Variants in GSTO2 observed in about 807,000 individuals in gnomAD.
GSTO2 encodes the protein glutathione S-transferase omega-2.
GSTO2 carries 23 observed loss-of-function variants against 28.4 expected under a neutral mutation model. The ratio of observed to expected loss-of-function variants is 0.81; its 90% CI spans 0.58 to 1.15. The LOEUF (loss-of-function observed/expected upper bound fraction) is 1.15, where lower values mean the gene tolerates loss of function less well. Among genes scored for constraint, GSTO2 ranks in the 50% most tolerant of loss-of-function variants. The probability of loss-of-function intolerance (pLI) is 0.00; values close to 1 mark genes in which losing one functional copy is unlikely to be tolerated. For synonymous variants in GSTO2, 109 were observed against 111.0 expected, an observed-to-expected ratio of 0.98 and a Z score of 0.11; for missense variants, 298 against 297.8, an observed-to-expected ratio of 1.00 and a Z score of 0.00.
At chr10:104,270,586 C>T (rs2011349656) in intron 1 of GSTO2, among the ~76,000 whole-genome samples, 1 of 152,000 alleles carries the variant, frequency 6.6e-6, no homozygotes, top group Non-Finnish European at 1.5e-5. Flanking sequence ...CCTCATTTGA[C>T]CCTGATTTCC....
intron 5 of GSTO2, among the ~76,000 whole-genome samples, chr10:104,293,585 T>TTTTTTTTTTTTTTTGG: frequency 6.9e-6 from 1 of 145,540 alleles, no homozygotes; most frequent in Admixed American, 6.8e-5. Context: ...TTTTTTTTTT[T>TTTTTTTTTTTTTTTGG]GCGACAAGGT....
chr10:104,289,337 C>A (rs970210530), intron 5 of GSTO2, among the ~76,000 whole-genome samples: 2 of 152,168 alleles, frequency 1.3e-5, no homozygotes, highest in African/African-American at 4.8e-5. Context: ...CTGAAGCGAT[C>A]CTTCCACCTT....
chr10:104,279,716 C>T (rs1177292203), intron 5 of GSTO2, among the ~76,000 whole-genome samples: 1 of 152,162 alleles, frequency 6.6e-6, no homozygotes, highest in Non-Finnish European at 1.5e-5. Flanking sequence ...CACCCCATCT[C>T]CCTGAGTAGC....
rs1445288062 is a variant in GSTO2 at position 104,300,385 on chromosome 10, G to C, written c.*1101G>C. Reference sequence around the variant, plus strand: ...GTTGCCTGTTGTGTACCAAGCCCAGGGGCACACTGGGGATAAAGTTGAAAA... The same window carrying C: ...GTTGCCTGTTGTGTACCAAGCCCAGCGGCACACTGGGGATAAAGTTGAAAA... On this transcript the variant is annotated 3_prime_UTR_variant, in exon 7 of 7. Coordinates refer to ENST00000338595, the MANE Select transcript of GSTO2 (RefSeq NM_183239.2). 6.6e-6 allele frequency: 1 copy of C among 152,236 alleles called. No individual in the cohort carries two copies. The allele number at this position is 152,236 out of a possible 1,614,324, so 9.4% of individuals were successfully genotyped here.
At chr10:104,275,032 C>A in intron 2 of GSTO2, 83 bp downstream of exon 2, 1 of 1,530,254 alleles carries the variant, frequency 6.5e-7, no homozygotes, top group Non-Finnish European at 8.8e-7. Flanking sequence ...CTGGCCTTGG[C>A]CTGCAGACCG....
intron 5 of GSTO2, among the ~76,000 whole-genome samples, chr10:104,287,121 C>T (rs1447949812): frequency 1.3e-5 from 2 of 152,198 alleles, no homozygotes; most frequent in South Asian, 2.1e-4. Context: ...GGTGCAATCA[C>T]GCCTCACTGC....
intron 5 of GSTO2, chr10:104,295,824 A>G (rs1305998997): frequency 1.3e-5 from 2 of 152,288 alleles, no homozygotes; most frequent in African/African-American, 4.8e-5. Context: ...CCTGGCTGCC[A>G]GTGCCATCCC....
intron 5 of GSTO2, among the ~76,000 whole-genome samples, chr10:104,285,113 C>T (rs764484356): frequency 6.6e-5 from 10 of 152,164 alleles, no homozygotes; most frequent in Non-Finnish European, 1.5e-4. Context: ...CGCAGAGTTT[C>T]CCGCATTGCC....
At position 104,299,362 on chromosome 10, in the gene GSTO2, A is replaced by G. The variant is rs2013189326; in HGVS notation, c.*78A>G. On this transcript the variant is annotated 3_prime_UTR_variant, in exon 7 of 7. Coordinates refer to ENST00000338595, the MANE Select transcript of GSTO2 (RefSeq NM_183239.2). The stretch of plus-strand genomic sequence containing the variant: ...TACGTCACGGCTTGTCTTGGGAACC[A>G]ATCCGTCTCTCTTTCTTTTCTTTGA... 6.8e-7 allele frequency: 1 copy of G among 1,463,072 alleles called. No homozygotes were observed. 90.6% of individuals were successfully genotyped at this position (1,463,072 alleles called of 1,614,324 possible). A position where few individuals can be genotyped will look rare whatever the true frequency, so the allele number is the denominator to read the frequency against.
At chr10:104,282,389 TA>T (rs2012122707) in intron 5 of GSTO2, among the ~76,000 whole-genome samples, 1 of 151,536 alleles carries the variant, frequency 6.6e-6, no homozygotes. Flanking sequence ...TCCATCTCTT[TA>T]AAAAATACAA....
At chr10:104,275,603 C>G (rs2011596074) in intron 3 of GSTO2, among the ~76,000 whole-genome samples, 2 of 152,128 alleles carry the variant, frequency 1.3e-5, no homozygotes, top group Non-Finnish European at 2.9e-5. Context: ...TGGTTCCCTC[C>G]CAGAATGTTT....
At chr10:104,284,369 A>G (rs1049959225) in intron 5 of GSTO2, among the ~76,000 whole-genome samples, 11 of 152,200 alleles carry the variant, frequency 7.2e-5, no homozygotes, top group African/African-American at 2.4e-4. Flanking sequence ...CCAAGAAAAA[A>G]AAAATTAAGT....
At chr10:104,296,878 C>G (rs1210004091) in intron 5 of GSTO2, 1 of 152,222 alleles carries the variant, frequency 6.6e-6, no homozygotes, top group Non-Finnish European at 1.5e-5. Context: ...CTCGCGGGTT[C>G]AAGCAATTCT....
intron 5 of GSTO2, among the ~76,000 whole-genome samples, chr10:104,292,160 C>T (rs906502539): frequency 6.6e-6 from 1 of 151,364 alleles, no homozygotes; most frequent in African/African-American, 2.4e-5. Context: ...TGAGGGATGC[C>T]ATTGTGAGGG....
Position 104,277,974 on chromosome 10 carries a change from T to C in GSTO2, c.224T>C (p.Leu75Pro). Residue 75 changes from leucine to proline, a missense_variant, in exon 4 of 7, where the codon CTG becomes CCG. Transcript: ENST00000338595. ...TKHPFGHIPV[L>P]ETSQCQLIYE... ...CACCCTTTTGGCCACATTCCTGTCCTGGAGACCAGCCAATGTCAACTGATC... is the reference window on the plus strand; with the variant it reads ...CACCCTTTTGGCCACATTCCTGTCCCGGAGACCAGCCAATGTCAACTGATC... 6.2e-7 allele frequency: 1 copy of C among 1,614,080 alleles called. No individual in the cohort carries two copies.
chr10:104,301,157 G>A lies in GSTO2; in HGVS notation c.*1873G>A, dbSNP rs1162168093. 1.3e-5 allele frequency: 2 copies of A among 152,220 alleles called. No homozygotes were observed. The highest frequency in any genetic ancestry group is 2.9e-5 in the Non-Finnish European group (2 of 68,058). 9.4% of individuals were successfully genotyped at this position (152,220 alleles called of 1,614,324 possible). A position where few individuals can be genotyped will look rare whatever the true frequency, so the allele number is the denominator to read the frequency against. On this transcript the variant is annotated 3_prime_UTR_variant, in exon 7 of 7. Transcript: ENST00000338595. ...TCCTGTGGCCTCTCATAGGACTTAG[G>A]AGATTGATCAGCCTTTTGCCGGTAC...
At chr10:104,275,714 T>C (rs963254784) in intron 3 of GSTO2, among the ~76,000 whole-genome samples, 1 of 152,148 alleles carries the variant, frequency 6.6e-6, no homozygotes, top group Non-Finnish European at 1.5e-5. Flanking sequence ...CCTTTCTTTA[T>C]TGAACTTACT....
chr10:104,288,081 G>A (rs183460565), intron 5 of GSTO2, among the ~76,000 whole-genome samples: 2 of 151,842 alleles, frequency 1.3e-5, no homozygotes, highest in East Asian at 3.9e-4. Context: ...TAGTAGAGAT[G>A]GGGTTTCACT....
chr10:104,284,845 G>T (rs1190084305), intron 5 of GSTO2, among the ~76,000 whole-genome samples: 4 of 152,182 alleles, frequency 2.6e-5, no homozygotes, highest in Non-Finnish European at 4.4e-5. Context: ...TTGGAGTTTT[G>T]CTTTAAATCT....
Sources: allele counts gnomAD v4.1 joint callset (sites outside exome capture counted in the v4.1 genomes callset), GRCh38; gene constraint gnomAD v4.1.1; transcripts MANE v1.5; gene names NCBI Gene and HGNC (gene_info 2026-07-23, HGNC 2026-07-21).